The following CNN1 variants were observed in gnomAD, a reference collection of about 807,000 sequenced individuals.
CNN1 encodes calponin 1, also known as calponin-1.
Under a neutral mutation model 35.3 loss-of-function variants are expected in CNN1, and 21 were observed. The observed-to-expected ratio is 0.60, with a 90% CI of 0.42 to 0.86. The LOEUF is 0.86. Among genes scored for constraint, CNN1 ranks in the 40% least tolerant of loss-of-function variants. The pLI is 0.00. For synonymous variants in CNN1, 164 were observed against 161.8 expected (o/e 1.01, Z -0.10); for missense variants, 314 against 400.8 (o/e 0.78, Z 1.85).
rs371480264 is a variant in CNN1, at chr19:11,547,569, C to T, written c.391-228C>T. ...ACTAAAACTACAAAACAAAATTAGC[C>T]GGGCATGGTGGCAGGCGCTTGTAGT... On this transcript the variant is annotated intron_variant, in intron 4 of 6. Coordinates refer to ENST00000252456, the MANE Select transcript of CNN1 (RefSeq NM_001299.6). 1.2e-3 allele frequency among the ~76,000 whole-genome samples: 183 copies of T among 152,048 alleles called. 5 individuals are homozygous for T. In the South Asian group the frequency reaches 0.034, roughly 29 times the overall value.
At chr19:11,539,966 C>A (rs1033721642) in intron 1 of CNN1, 318 of 1,067,536 alleles carry the variant, frequency 3.0e-4, no homozygotes, top group Non-Finnish European at 3.5e-4. Flanking sequence ...ATATAAGGGC[C>A]GGTTTGCTTT....
intron 2 of CNN1, among the ~76,000 whole-genome samples, chr19:11,544,397 G>A (rs1274070111): frequency 2.0e-5 from 3 of 152,068 alleles, no homozygotes; most frequent in Admixed American, 2.0e-4. Context: ...CTGGCGTGAC[G>A]AGCACCAAAT....
chr19:11,544,800 G>T (rs1371652309), intron 2 of CNN1, among the ~76,000 whole-genome samples: 1 of 151,248 alleles, frequency 6.6e-6, no homozygotes, highest in Admixed American at 6.7e-5. Context: ...ACTGTGCCCA[G>T]TTCTACAGAG....
At chr19:11,543,087 G>A (rs944728514) in intron 2 of CNN1, among the ~76,000 whole-genome samples, 1 of 152,326 alleles carries the variant, frequency 6.6e-6, no homozygotes, top group Non-Finnish European at 1.5e-5. Context: ...CAGGTGGGGA[G>A]GTAGGCATGC....
At position 11,539,893 on chromosome 19, in the gene CNN1, C is replaced by A. The variant is rs1972420403; in HGVS notation, c.63+903C>A. 18 of 1,138,302 alleles carry A rather than the reference C, an allele frequency of 1.6e-5. No homozygotes were observed. The South Asian group carries it at 2.4e-4, about 15-fold the overall frequency. 70.5% of individuals were successfully genotyped at this position (1,138,302 alleles called of 1,614,324 possible). On this transcript the variant is annotated intron_variant, in intron 1 of 6. Coordinates refer to ENST00000252456, the MANE Select transcript of CNN1 (RefSeq NM_001299.6). Reference sequence around the variant, plus strand: ...TCCCCCCCAGCGCCGGCCCCAGAGCCGCGCAGAGCCGCGCAGAGACGCCGC... The same window carrying A: ...TCCCCCCCAGCGCCGGCCCCAGAGCAGCGCAGAGCCGCGCAGAGACGCCGC...
At chr19:11,547,772 T>C (rs1972622854) in intron 4 of CNN1, 25 bp from the exon 5 acceptor site, 1 of 1,601,914 alleles carries the variant, frequency 6.2e-7, no homozygotes, top group African/African-American at 1.3e-5. Flanking sequence ...CCCTTGTCAG[T>C]CCCTGCTTTC....
Position 11,549,405 on chromosome 19 carries a change from C to CTG in CNN1, c.584_585insTG (p.Asp196GlufsTer25). The CTG allele has an allele frequency of 6.2e-7, 1 of 1,613,506 alleles. No homozygotes were observed. Among genetic ancestry groups the CTG allele is most frequent in the South Asian group, 1.1e-5 (1 of 91,050 alleles). On this transcript the variant is annotated frameshift_variant, in exon 6 of 7. Transcript: ENST00000252456. LOFTEE classifies it high-confidence loss of function. The surrounding 1 kb of genome is among the most constrained non-coding windows in gnomAD (Gnocchi z 5.2). Reference sequence around the variant, plus strand: ...CACCTCTACGACCCCAAGCTGGGCACAGACCAGCCTCTGGACCAGGCGACC... The same window carrying CTG: ...CACCTCTACGACCCCAAGCTGGGCACTGAGACCAGCCTCTGGACCAGGCGACC...
chr19:11,539,911 G>A, intron 1 of CNN1: 1 of 1,127,068 alleles, frequency 8.9e-7, no homozygotes, highest in Non-Finnish European at 1.1e-6. Context: ...GCCGCGCAGA[G>A]ACGCCGCGCC....
intron 2 of CNN1, among the ~76,000 whole-genome samples, chr19:11,544,159 A>T (rs1972528327): frequency 6.6e-6 from 1 of 151,906 alleles, no homozygotes; most frequent in African/African-American, 2.4e-5. Context: ...TCCTGGGGAA[A>T]ACTCAAGCGG....
intron 2 of CNN1, among the ~76,000 whole-genome samples, chr19:11,543,347 C>CA (rs553434409): frequency 0.053 from 7,117 of 133,102 alleles, 235 homozygotes; most frequent in African/African-American, 0.098. Context: ...AACCCTGTCT[C>CA]AAAAAAAAAA....
intron 2 of CNN1, among the ~76,000 whole-genome samples, chr19:11,544,662 G>GTT (rs745637541): frequency 7.7e-4 from 101 of 131,960 alleles, no homozygotes; most frequent in Middle Eastern, 4.0e-3. Context: ...AAGTTTTCGG[G>GTT]TTTTTTTTTT....
chr19:11,545,485 G>A (rs78341426), intron 2 of CNN1, among the ~76,000 whole-genome samples: 2,128 of 147,518 alleles, frequency 0.014, 37 homozygotes, highest in East Asian at 0.082. Flanking sequence ...TGCTAGGCAG[G>A]GAAGGTGGAG....
chr19:11,549,687 G>A lies in CNN1; in HGVS notation c.786G>A (p.Gly262=). The A allele has an allele frequency of 6.2e-7, 1 of 1,614,216 alleles. No homozygotes were observed. The highest frequency in any genetic ancestry group is 2.2e-5 in the East Asian group (1 of 44,878). Residue 262 remains glycine, a synonymous_variant, in exon 7 of 7, where the codon GGG becomes GGA. Transcript: ENST00000252456. The surrounding 1 kb of genome is among the most constrained non-coding windows in gnomAD (Gnocchi z 5.2). ...GASQRGMTVY[G]LPRQVYDPKY... Reference sequence around the variant, plus strand: ...CGCAGCGGGGCATGACGGTGTATGGGCTGCCACGCCAGGTCTACGACCCCA... The same window carrying A: ...CGCAGCGGGGCATGACGGTGTATGGACTGCCACGCCAGGTCTACGACCCCA...
chr19:11,546,820 GC>G lies in CNN1; in HGVS notation c.253-6del. 2 of 1,613,978 alleles carry G rather than the reference GC, an allele frequency of 1.2e-6. No homozygotes were observed. The highest frequency in any genetic ancestry group is 2.2e-5 in the East Asian group (1 of 44,878). On this transcript the variant is annotated splice_polypyrimidine_tract_variant and intron_variant, in intron 3 of 6. Coordinates refer to ENST00000252456, the MANE Select transcript of CNN1 (RefSeq NM_001299.6). ...CCTCCCCACCCAGTGACCACCACCT[GC>G]CCCCCTCTAGCTGGAGAACATCGGC...
Position 11,546,533 on chromosome 19 carries a change from A to C in CNN1, c.186-142A>C, listed in dbSNP as rs550233316. The C allele has an allele frequency of 5.9e-4, 469 of 791,052 alleles. 5 individuals are homozygous for C. The East Asian group carries it at 0.012, about 20-fold the overall frequency. The allele number at this position is 791,052 out of a possible 1,614,324, so 49.0% of individuals were successfully genotyped here. On this transcript the variant is annotated intron_variant, in intron 2 of 6. Coordinates refer to ENST00000252456, the MANE Select transcript of CNN1 (RefSeq NM_001299.6). Reference sequence around the variant, plus strand: ...GTATTTTTAGTAGAGATGGGGTTTCACCATGTTGGCCAGGATAGTCTCGCT... The same window carrying C: ...GTATTTTTAGTAGAGATGGGGTTTCCCCATGTTGGCCAGGATAGTCTCGCT...
At position 11,547,115 on chromosome 19, in the gene CNN1, G is replaced by A. The variant is rs190423377; in HGVS notation, c.390+146G>A. On this transcript the variant is annotated intron_variant, in intron 4 of 6. Transcript: ENST00000252456. ...AGGTGCTGTCAACAGCGTCCAAGGG[G>A]GCCGGGCGCGGTCGCTCACACCTGT... The A allele has an allele frequency of 1.1e-4, 132 of 1,205,744 alleles. 1 individual carries two copies. The African/African-American group carries it at 1.8e-3, about 16-fold the overall frequency. 74.7% of individuals were successfully genotyped at this position (1,205,744 alleles called of 1,614,324 possible). A position where few individuals can be genotyped will look rare whatever the true frequency, so the allele number is the denominator to read the frequency against.
chr19:11,540,153 G>C (rs557437236), intron 1 of CNN1: 92 of 715,518 alleles, frequency 1.3e-4, no homozygotes, highest in Non-Finnish European at 1.4e-4. Flanking sequence ...AGTGGGGGAG[G>C]GGGGGGACAG....
chr19:11,543,555 C>A (rs966220401), intron 2 of CNN1, among the ~76,000 whole-genome samples: 1 of 151,044 alleles, frequency 6.6e-6, no homozygotes, highest in Admixed American at 6.6e-5. Context: ...CTGAGGCAGG[C>A]GGATCACGAG....
At chr19:11,541,343 T>A (rs1972458322) in intron 2 of CNN1, 146 bp downstream of exon 2, 2 of 1,078,284 alleles carry the variant, frequency 1.9e-6, no homozygotes, top group African/African-American at 3.3e-5. Context: ...TTGTGCCCAT[T>A]TAACAGGCAC....
Sources: gnomAD v4.1 joint callset for allele counts (sites outside exome capture counted in the v4.1 genomes callset) on GRCh38, gnomAD v4.1.1 for gene constraint, Gnocchi (gnomAD v3.1) non-coding constraint, MANE v1.5 for transcripts, NCBI Gene and HGNC (gene_info 2026-07-23, HGNC 2026-07-21) for gene names.